ZNF880: variants seen among roughly 807,000 people sequenced by gnomAD.
ZNF880 encodes zinc finger protein 880, also known as zinc finger protein LOC400713.
In ZNF880, 12 loss-of-function variants were observed where a neutral mutation model predicts 11.8. The observed-to-expected ratio is 1.02, with a 90% CI of 0.65 to 1.65. The LOEUF is 1.65. Ranked by LOEUF, ZNF880 falls within the 40% of genes most tolerant of loss-of-function variation. The pLI is 0.00. For synonymous variants in ZNF880, 210 were observed against 232.4 expected (o/e 0.90, Z 0.88); for missense variants, 601 against 673.9 (o/e 0.89, Z 1.20).
intron 1 of ZNF880, among the ~76,000 whole-genome samples, chr19:52,371,987 A>G (rs1986386799): frequency 1.3e-5 from 2 of 151,876 alleles, no homozygotes; most frequent in South Asian, 4.2e-4. Flanking sequence ...TCAGGAGTTC[A>G]AGACCAGCCT....
chr19:52,368,228 A>T (rs1479008008), upstream of ZNF880, among the ~76,000 whole-genome samples: 1 of 145,492 alleles, frequency 6.9e-6, no homozygotes, highest in Non-Finnish European at 1.5e-5. Context: ...TAATAATAAT[A>T]CTGTAACACA....
Position 52,374,524 on chromosome 19 carries a change from A to G in ZNF880, c.268+97A>G, listed in dbSNP as rs79814129. The G allele has an allele frequency of 0.01, 14,375 of 1,419,408 alleles. 1,153 individuals are homozygous for G. In the African/African-American group the frequency reaches 0.18, roughly 18 times the overall value. 87.9% of individuals were successfully genotyped at this position (1,419,408 alleles called of 1,614,324 possible). A position where few individuals can be genotyped will look rare whatever the true frequency, so the allele number is the denominator to read the frequency against. On this transcript the variant is annotated intron_variant, in intron 3 of 3. Coordinates refer to ENST00000422689, the MANE Select transcript of ZNF880 (RefSeq NM_001145434.2). Reference sequence around the variant, plus strand: ...CCCAGGCTGTCGTAGAGTGGCAATCATCAGTGGCAATCGTGGCTTAACTCA... The same window carrying G: ...CCCAGGCTGTCGTAGAGTGGCAATCGTCAGTGGCAATCGTGGCTTAACTCA...
chr19:52,396,446 A>G, the ZNF880 span: 1 of 152,248 alleles, frequency 6.6e-6, no homozygotes, highest in Non-Finnish European at 1.5e-5. Context: ...TGCTGCCTCA[A>G]GCAGGATAAC....
chr19:52,367,974 G>T (rs1161397438), upstream of ZNF880, among the ~76,000 whole-genome samples: 1 of 152,106 alleles, frequency 6.6e-6, no homozygotes, highest in East Asian at 1.9e-4. Flanking sequence ...GCTGCATTGG[G>T]TGGATCACGA....
downstream of ZNF880, chr19:52,390,342 G>A (rs1005119254): frequency 1.2e-5 from 5 of 427,864 alleles, no homozygotes; most frequent in Non-Finnish European, 2.4e-5. Context: ...TCCCAGGGAG[G>A]CCGTGAACTC....
the ZNF880 span, among the ~76,000 whole-genome samples, chr19:52,393,074 T>G: frequency 6.6e-6 from 1 of 151,748 alleles, no homozygotes; most frequent in Non-Finnish European, 1.5e-5. Context: ...TTAGTTTTTT[T>G]TTTTTTTTTC....
chr19:52,369,969 C>G lies in ZNF880; in HGVS notation c.4C>G (p.Leu2Val), dbSNP rs1193136772. Residue 2 changes from leucine to valine, a missense_variant, in exon 1 of 4, where the codon CTG becomes GTG. Leu to Val is a conservative substitution (Grantham distance 32, BLOSUM62 1). Transcript: ENST00000422689. ...CAGATTACGTGGAGTGACGGTCATG[C>G]TGCGGCGTGTGAGTTTCCCTTTGTT... is the stretch of plus-strand genomic sequence containing the variant. The part of the protein sequence containing the change: M[L>V]RRGHLAFRDV... The G allele has an allele frequency of 4.5e-6, 7 of 1,551,650 alleles. No individual in the cohort carries two copies. The highest frequency in any genetic ancestry group is 2.4e-5 in the East Asian group (1 of 40,904).
chr19:52,394,688 A>C, the ZNF880 span: 1 of 152,222 alleles, frequency 6.6e-6, no homozygotes, highest in African/African-American at 2.4e-5. Flanking sequence ...GGCTTAAAAC[A>C]AGAAAAATTT....
intron 3 of ZNF880, among the ~76,000 whole-genome samples, chr19:52,376,845 T>C (rs951915737): frequency 6.6e-6 from 1 of 152,114 alleles, no homozygotes; most frequent in Non-Finnish European, 1.5e-5. Context: ...TTTGTTTTTT[T>C]CTTGCTGATT....
At chr19:52,371,419 A>G (rs1986368847) in intron 1 of ZNF880, among the ~76,000 whole-genome samples, 1 of 151,432 alleles carries the variant, frequency 6.6e-6, no homozygotes, top group South Asian at 2.1e-4. Flanking sequence ...TTTGTCACCC[A>G]GGCTGGAGTG....
intron 2 of ZNF880, among the ~76,000 whole-genome samples, chr19:52,373,859 T>C (rs891913120): frequency 7.9e-5 from 12 of 151,206 alleles, no homozygotes; most frequent in South Asian, 6.3e-4. Context: ...TTAGTGGAGA[T>C]GGGGTTTCAC....
rs974522016 is a variant in ZNF880 at position 52,383,729 on chromosome 19, A to G, written c.269-120A>G. 41 of 1,073,662 alleles carry G rather than the reference A, an allele frequency of 3.8e-5. No individual in the cohort carries two copies. The South Asian group carries it at 6.4e-4, about 17-fold the overall frequency. The allele number at this position is 1,073,662 out of a possible 1,614,324, so 66.5% of individuals were successfully genotyped here. On this transcript the variant is annotated intron_variant, in intron 3 of 3. Transcript: ENST00000422689. Reference sequence around the variant, plus strand: ...TTTCTGCACTGCCAGCATGATACACACAGTATGCTGATATTCCTTCCCATG... The same window carrying G: ...TTTCTGCACTGCCAGCATGATACACGCAGTATGCTGATATTCCTTCCCATG...
At chr19:52,369,256 G>A (rs1986268144), upstream of ZNF880, among the ~76,000 whole-genome samples, 1 of 150,250 alleles carries the variant, frequency 6.7e-6, no homozygotes, top group South Asian at 2.1e-4. Flanking sequence ...CAGCTACTCG[G>A]GAGACTGAGG....
Position 52,384,448 on chromosome 19 carries a change from C to T in ZNF880, c.868C>T (p.His290Tyr), listed in dbSNP as rs763078732. 1.9e-6 allele frequency: 3 copies of T among 1,614,152 alleles called. No homozygotes were observed. The highest frequency in any genetic ancestry group is 1.7e-5 in the Admixed American group (1 of 60,012). The change falls in exon 4 of 4, where the codon CAC (histidine) becomes TAC (tyrosine). Residue 290 changes from histidine (H) to tyrosine (Y), a missense_variant. By Grantham distance (83) the His-to-Tyr change is moderately conservative. Transcript: ENST00000422689. Reference protein sequence around the residue: ...NSHLANHHRIHTGEKPYKCNE... With the variant: ...NSHLANHHRIYTGEKPYKCNE... ...TCACCTTGCAAATCATCACAGAATC[C>T]ACACTGGAGAGAAACCTTACAAATG...
chr19:52,378,662 A>G (rs923422253), intron 3 of ZNF880, among the ~76,000 whole-genome samples: 2 of 151,852 alleles, frequency 1.3e-5, no homozygotes, highest in Non-Finnish European at 2.9e-5. Context: ...AAAAAAAAAA[A>G]AAAAGAAAGA....
At chr19:52,383,818 T>C in intron 3 of ZNF880, 31 bp from the exon 4 acceptor site, 1 of 1,496,776 alleles carries the variant, frequency 6.7e-7, no homozygotes, top group Middle Eastern at 1.8e-4. Context: ...TTGTCATGGG[T>C]TGAAGTTCCA....
the ZNF880 span, chr19:52,395,470 C>T: frequency 6.6e-6 from 1 of 152,356 alleles, no homozygotes; most frequent in East Asian, 1.9e-4. Context: ...AGTTTCTCCA[C>T]ATCCTTGCTT....
intron 1 of ZNF880, among the ~76,000 whole-genome samples, chr19:52,371,412 G>A (rs1986368589): frequency 6.6e-6 from 1 of 151,300 alleles, no homozygotes; most frequent in Non-Finnish European, 1.5e-5. Context: ...GTCTCGCTTT[G>A]TCACCCAGGC....
At chr19:52,379,178 T>A (rs1296528846) in intron 3 of ZNF880, among the ~76,000 whole-genome samples, 2 of 152,084 alleles carry the variant, frequency 1.3e-5, no homozygotes, top group Admixed American at 1.3e-4. Flanking sequence ...TGTGTGGGGA[T>A]GTTGTATCAG....
Sources: allele counts gnomAD v4.1 joint callset (sites outside exome capture counted in the v4.1 genomes callset), GRCh38; gene constraint gnomAD v4.1.1; transcripts MANE v1.5; gene names NCBI Gene and HGNC (gene_info 2026-07-23, HGNC 2026-07-21).